Variants in UACA observed in about 807,000 individuals in gnomAD.
The protein encoded by UACA is nuclear membrane binding protein.
Under a neutral mutation model 160.5 loss-of-function variants are expected in UACA, and 112 were observed. The observed-to-expected ratio is 0.70, with a 90% CI of 0.60 to 0.82. UACA has a LOEUF of 0.82. Among genes scored for constraint, UACA ranks in the 40% least tolerant of loss-of-function variants. The pLI, the probability that UACA is intolerant of heterozygous loss-of-function variation, is 0.00. For missense variants in UACA, 1,574 were observed against 1,614.6 expected, an observed-to-expected ratio of 0.97 and a Z score of 0.43; for synonymous variants, 557 against 568.4, an observed-to-expected ratio of 0.98 and a Z score of 0.29.
chr15:70,680,871 C>G (rs1381994729), intron 9 of UACA, among the ~76,000 whole-genome samples: 2 of 152,242 alleles, frequency 1.3e-5, no homozygotes, highest in African/African-American at 4.8e-5. Context: ...CTTCCGCCAT[C>G]TGGTAGTCAC....
chr15:70,683,626 T>G (rs2140935807), intron 8 of UACA, among the ~76,000 whole-genome samples: 1 of 152,242 alleles, frequency 6.6e-6, no homozygotes, highest in African/African-American at 2.4e-5. Context: ...AAATGGAATC[T>G]CATACACCAA....
chr15:70,667,959 T>C lies in UACA; in HGVS notation c.2725A>G (p.Arg909Gly). The change falls in exon 16 of 19, where the codon AGA (arginine) becomes GGA (glycine). Residue 909 changes from arginine to glycine, a missense_variant. By Grantham distance (125) the Arg-to-Gly change is moderately radical. Coordinates refer to ENST00000322954, the MANE Select transcript of UACA (RefSeq NM_018003.4). ...KIKDKNEILKRNLENTQNQIK... is the reference protein window; with the variant it reads ...KIKDKNEILKGNLENTQNQIK... ...TGGTTCTGAGTGTTTTCCAGGTTTC[T>C]TTTTAATATTTCATTCTTATCTTTT... The C allele has an allele frequency of 6.2e-7, 1 of 1,606,944 alleles. No homozygotes were observed. Among genetic ancestry groups the C allele is most frequent in the Non-Finnish European group, 8.5e-7 (1 of 1,177,150 alleles).
At chr15:70,694,261 A>T (rs1354307333) in intron 3 of UACA, among the ~76,000 whole-genome samples, 1 of 50,516 alleles carries the variant, frequency 2.0e-5, no homozygotes, top group African/African-American at 7.0e-5. Context: ...AGTTATATTC[A>T]AATACTTAAA....
chr15:70,747,020 A>G (rs1396766042), intron 1 of UACA, among the ~76,000 whole-genome samples: 5 of 152,054 alleles, frequency 3.3e-5, no homozygotes, highest in Non-Finnish European at 7.4e-5. Flanking sequence ...CATTAGGAGA[A>G]ACAATGTAGA....
intron 13 of UACA, among the ~76,000 whole-genome samples, chr15:70,675,835 C>T (rs887437130): frequency 6.6e-6 from 1 of 152,150 alleles, no homozygotes; most frequent in African/African-American, 2.4e-5. Context: ...GATTAAGTCA[C>T]GAGGGCTTCA....
chr15:70,761,689 TATC>T (rs761651234), intron 1 of UACA, among the ~76,000 whole-genome samples: 45 of 152,260 alleles, frequency 3.0e-4, no homozygotes, highest in Non-Finnish European at 5.1e-4. Context: ...AATAGGTTAA[TATC>T]ATGTTTATCT....
At chr15:70,748,472 T>C (rs796245370) in intron 1 of UACA, among the ~76,000 whole-genome samples, 38 of 152,170 alleles carry the variant, frequency 2.5e-4, no homozygotes, top group African/African-American at 9.2e-4. Context: ...AAGTTAGAAA[T>C]TAAAAAGGAA....
chr15:70,736,614 T>C (rs1899375982), intron 1 of UACA, among the ~76,000 whole-genome samples: 1 of 152,180 alleles, frequency 6.6e-6, no homozygotes, highest in South Asian at 2.1e-4. Flanking sequence ...TTTATATATA[T>C]ATTTTTAGTA....
intron 1 of UACA, among the ~76,000 whole-genome samples, chr15:70,700,331 A>G (rs1384506242): frequency 6.7e-6 from 1 of 150,314 alleles, no homozygotes; most frequent in Non-Finnish European, 1.5e-5. Context: ...ACACACACAC[A>G]CACACACACA....
At position 70,702,040 on chromosome 15, in the gene UACA, T is replaced by C; in HGVS notation, c.79-2380A>G. ...AAGTGACTCAGTCCCTCACATGCTG[T>C]GCTACACTTAGCTTGGATCTCTAAC... is the stretch of plus-strand genomic sequence containing the variant. On this transcript the variant is annotated intron_variant, in intron 1 of 18. Transcript: ENST00000322954. 2.8e-6 allele frequency: 4 copies of C among 1,454,244 alleles called. No homozygotes were observed. The South Asian group carries it at 6.1e-5, about 22-fold the overall frequency. 90.1% of individuals were successfully genotyped at this position (1,454,244 alleles called of 1,614,324 possible). A position where few individuals can be genotyped will look rare whatever the true frequency, so the allele number is the denominator to read the frequency against.
At chr15:70,684,199 C>A in intron 8 of UACA, 66 bp downstream of exon 8, 1 of 1,413,316 alleles carries the variant, frequency 7.1e-7, no homozygotes. Flanking sequence ...GTTCTACTAC[C>A]TAAGTCTTTT....
Position 70,656,930 on chromosome 15 carries a change from C to A in UACA, c.*126G>T. On this transcript the variant is annotated 3_prime_UTR_variant, in exon 19 of 19. Coordinates refer to ENST00000322954, the MANE Select transcript of UACA (RefSeq NM_018003.4). ...CATCTAATTTTAAAAAAAAACCTAC[C>A]AATAGAACAAAATATATTTTATTTT... 7 of 591,630 alleles carry A rather than the reference C, an allele frequency of 1.2e-5. No individual in the cohort carries two copies. Among genetic ancestry groups the A allele is most frequent in the South Asian group, 7.7e-5 (2 of 25,818 alleles). The allele number at this position is 591,630 out of a possible 1,614,324, so 36.6% of individuals were successfully genotyped here.
chr15:70,735,147 TAAAAAA>T (rs1555415817), intron 1 of UACA, among the ~76,000 whole-genome samples: 1 of 3,100 alleles, frequency 3.2e-4, no homozygotes, highest in East Asian at 3.3e-3. Context: ...TAGAGTATAA[TAAAAAA>T]AAAAAAAAAA....
At chr15:70,777,028 C>A in the UACA span, among the ~76,000 whole-genome samples, 1 of 152,234 alleles carries the variant, frequency 6.6e-6, no homozygotes, top group Admixed American at 6.5e-5. Context: ...CATGGGAAAC[C>A]ACATCATCGT....
At position 70,657,069 on chromosome 15, in the gene UACA, C is replaced by A; in HGVS notation, c.4238G>T (p.Gly1413Val). 1.2e-6 allele frequency: 2 copies of A among 1,614,040 alleles called. No homozygotes were observed. The highest frequency in any genetic ancestry group is 1.7e-6 in the Non-Finnish European group (2 of 1,179,958). The change falls in exon 19 of 19, where the codon GGG (glycine) becomes GTG (valine). Residue 1413 changes from glycine to valine, a missense_variant. Transcript: ENST00000322954. ...ALLQIIQMRQGLVC is the reference protein window; with the variant it reads ...ALLQIIQMRQVLVC ...CAGTGCTAACGGCTAGCACACAAGC[C>A]CCTGCCGCATTTGTATGATCTGGAG...
intron 1 of UACA, among the ~76,000 whole-genome samples, chr15:70,741,498 T>C (rs145935360): frequency 1.1e-4 from 16 of 152,206 alleles, no homozygotes; most frequent in African/African-American, 3.9e-4. Context: ...TTTGAAACTA[T>C]GAAGGTGGAA....
intron 15 of UACA, 148 bp downstream of exon 15, chr15:70,670,891 A>G (rs1897114098): frequency 4.8e-6 from 2 of 418,976 alleles, no homozygotes; most frequent in South Asian, 9.2e-5. Flanking sequence ...ATTAAACTCA[A>G]GAAAGCAGGA....
intron 1 of UACA, among the ~76,000 whole-genome samples, chr15:70,751,112 T>C (rs62016954): frequency 0.012 from 1,899 of 152,292 alleles, 13 homozygotes; most frequent in Non-Finnish European, 0.02. Flanking sequence ...CTCCCCACTC[T>C]TCTGCCCCAG....
chr15:70,705,189 T>C (rs114403660), intron 1 of UACA, among the ~76,000 whole-genome samples: 1,641 of 152,112 alleles, frequency 0.011, 27 homozygotes, highest in African/African-American at 0.038. Flanking sequence ...AAGGCATATT[T>C]AGTTTGCTTT....
Sources: gnomAD v4.1 joint callset for allele counts (sites outside exome capture counted in the v4.1 genomes callset) on GRCh38, gnomAD v4.1.1 for gene constraint, MANE v1.5 for transcripts, NCBI Gene and HGNC (gene_info 2026-07-23, HGNC 2026-07-21) for gene names.